The following PARD3B variants were observed in gnomAD, a reference collection of about 807,000 sequenced individuals.
The protein encoded by PARD3B is par-3 family cell polarity regulator beta, also known as partitioning defective 3 homolog B.
PARD3B carries 103 observed loss-of-function variants against 130.2 expected under a neutral mutation model. The ratio of observed to expected loss-of-function variants is 0.79; its 90% confidence interval spans 0.67 to 0.93. PARD3B has a LOEUF of 0.93. Ranked by LOEUF, PARD3B falls within the 40% of genes least tolerant of loss-of-function variation. PARD3B has a pLI of 0.00. For synonymous variants in PARD3B, 583 were observed against 553.2 expected (o/e 1.05, Z -0.76); for missense variants, 1,609 against 1,499.2 (o/e 1.07, Z -1.21).
chr2:205,332,288 A>G (rs1168441296), intron 18 of PARD3B, among the ~76,000 whole-genome samples: 2 of 152,160 alleles, frequency 1.3e-5, no homozygotes, highest in African/African-American at 4.8e-5. Context: ...CATTTATAAC[A>G]ATCCATACTC....
chr2:205,438,452 A>T (rs2047595071), intron 19 of PARD3B, among the ~76,000 whole-genome samples: 1 of 152,188 alleles, frequency 6.6e-6, no homozygotes, highest in South Asian at 2.1e-4. Context: ...TCTTGAAGGC[A>T]TCTCACTTAT....
intron 18 of PARD3B, among the ~76,000 whole-genome samples, chr2:205,398,151 A>G (rs577840020): frequency 6.6e-6 from 1 of 152,146 alleles, no homozygotes; most frequent in East Asian, 1.9e-4. Context: ...ATACAAAAAA[A>G]TTAGCCAGGC....
At chr2:205,259,193 A>G (rs1009875251) in intron 16 of PARD3B, among the ~76,000 whole-genome samples, 5 of 152,016 alleles carry the variant, frequency 3.3e-5, no homozygotes, top group Admixed American at 6.6e-5. Flanking sequence ...GTATTTACCA[A>G]TTTCTTAACT....
rs2036152787 is a variant in PARD3B at position 205,187,227 on chromosome 2, A to G, written c.2024+1364A>G. 6.6e-6 allele frequency among the ~76,000 whole-genome samples: 1 copy of G among 152,208 alleles called. No homozygotes were observed. The highest frequency in any genetic ancestry group is 1.5e-5 in the Non-Finnish European group (1 of 68,042). On this transcript the variant is annotated intron_variant, in intron 14 of 22. Transcript: ENST00000406610. This position sits in a 1 kb window ranked among gnomAD's most constrained non-coding sequence, Gnocchi z 4.9. ...CAGGTGGACATGAGATGAGCCCAGG[A>G]AGAAAGGGCATTTCGGGAGGGAAGA...
chr2:204,560,328 T>A (rs182466873), intron 1 of PARD3B, among the ~76,000 whole-genome samples: 91 of 152,236 alleles, frequency 6.0e-4, no homozygotes, highest in Non-Finnish European at 1.2e-3. Flanking sequence ...TGACTTTGGG[T>A]CAGTATTGTG....
chr2:205,559,121 C>G (rs891226018), intron 22 of PARD3B, among the ~76,000 whole-genome samples: 4 of 152,132 alleles, frequency 2.6e-5, no homozygotes, highest in Non-Finnish European at 5.9e-5. Context: ...AGTATGGGCT[C>G]CACCACTGGA....
At position 205,458,121 on chromosome 2, in the gene PARD3B, G is replaced by A. The variant is rs888443348; in HGVS notation, c.3044+17449G>A. ...GTTTTACTGTGATGTGTCTGTGAGC[G>A]TGTGTTGGCAGGGAGGTATGTTTAA... is the stretch of plus-strand genomic sequence containing the variant. On this transcript the variant is annotated intron_variant, in intron 20 of 22. Transcript: ENST00000406610. The surrounding 1 kb of genome is among the most constrained non-coding windows in gnomAD (Gnocchi z 4.8). Among the ~76,000 whole-genome samples, 6 of 152,038 alleles carry A rather than the reference G, an allele frequency of 3.9e-5. No individual in the cohort carries two copies. The highest frequency in any genetic ancestry group is 2.6e-4 in the Admixed American group (4 of 15,222).
intron 18 of PARD3B, among the ~76,000 whole-genome samples, chr2:205,393,312 A>G (rs1179495578): frequency 6.6e-6 from 1 of 152,196 alleles, no homozygotes; most frequent in Non-Finnish European, 1.5e-5. Flanking sequence ...TAATTTATAA[A>G]ATGTAAGGAG....
rs566909367 is a variant in PARD3B, at chr2:205,206,646, T to C, written c.2140+13326T>C. ...GGACATTTGGCTTGGTTCCAAGTCT[T>C]TGCTATTGTGAATAATGCCGCAATA... On this transcript the variant is annotated intron_variant, in intron 15 of 22. Transcript: ENST00000406610. Among the ~76,000 whole-genome samples, 89 of 151,960 alleles carry C rather than the reference T, an allele frequency of 5.9e-4. 2 individuals are homozygous for C. The South Asian group carries it at 0.018, about 31-fold the overall frequency.
Position 205,550,964 on chromosome 2 carries a change from TATATATATATATACAC to T in PARD3B, c.3181-2358_3181-2343del, listed in dbSNP as rs1226288093. Among the ~76,000 whole-genome samples the T allele has an allele frequency of 0.027, 3,034 of 111,026 alleles. 76 individuals are homozygous for T. Among genetic ancestry groups the T allele is most frequent in the South Asian group, 0.12 (391 of 3,236 alleles). The allele number at this position is 111,026 out of a possible 152,430, so 72.8% of individuals were successfully genotyped here. A position where few individuals can be genotyped will look rare whatever the true frequency, so the allele number is the denominator to read the frequency against. On this transcript the variant is annotated intron_variant, in intron 21 of 22. Coordinates refer to ENST00000406610, the MANE Select transcript of PARD3B (RefSeq NM_001302769.2). The surrounding 1 kb of genome is among the most constrained non-coding windows in gnomAD (Gnocchi z 4.5). ...GTGTATATATATATGTGTATATATATATATATATATATACACACACACACACACACACACACACATA... is the reference window on the plus strand; with the variant it reads ...GTGTATATATATATGTGTATATATATACACACACACACACACACACACATA...
intron 4 of PARD3B, among the ~76,000 whole-genome samples, chr2:205,061,625 G>C (rs1324097683): frequency 2.0e-5 from 3 of 152,032 alleles, no homozygotes; most frequent in African/African-American, 7.2e-5. Context: ...GACTATAGAA[G>C]TAAGTTGGAG....
At chr2:205,444,060 G>A (rs1197099727) in intron 20 of PARD3B, among the ~76,000 whole-genome samples, 2 of 152,150 alleles carry the variant, frequency 1.3e-5, no homozygotes, top group African/African-American at 4.8e-5. Flanking sequence ...TCAGCTCACT[G>A]CAACCTCTGC....
At chr2:205,058,563 C>T (rs1228667531) in intron 4 of PARD3B, among the ~76,000 whole-genome samples, 5 of 151,954 alleles carry the variant, frequency 3.3e-5, no homozygotes, top group African/African-American at 9.7e-5. Flanking sequence ...ACCAACATTG[C>T]ACAAGAGTTC....
At chr2:205,082,674 T>C (rs1026279916) in intron 4 of PARD3B, among the ~76,000 whole-genome samples, 10 of 152,184 alleles carry the variant, frequency 6.6e-5, no homozygotes, top group Non-Finnish European at 1.0e-4. Context: ...TACATGTCCA[T>C]GTTCCATTTT....
intron 2 of PARD3B, among the ~76,000 whole-genome samples, chr2:204,778,166 A>G (rs886853810): frequency 4.7e-5 from 7 of 150,174 alleles, no homozygotes; most frequent in Non-Finnish European, 8.9e-5. Context: ...AAAAAAAAAG[A>G]TCGTCATCTT....
intron 2 of PARD3B, among the ~76,000 whole-genome samples, chr2:204,794,080 G>T (rs1018704793): frequency 6.6e-6 from 1 of 152,136 alleles, no homozygotes; most frequent in Non-Finnish European, 1.5e-5. Context: ...CTTTACTACA[G>T]TTACAGGTAG....
intron 2 of PARD3B, among the ~76,000 whole-genome samples, chr2:204,953,041 T>C (rs1271964718): frequency 6.9e-6 from 1 of 145,384 alleles, no homozygotes; most frequent in Non-Finnish European, 1.5e-5. Context: ...TATATATGTA[T>C]ATATGTATAT....
At chr2:205,346,249 C>T (rs1180176544) in intron 18 of PARD3B, among the ~76,000 whole-genome samples, 5 of 151,416 alleles carry the variant, frequency 3.3e-5, no homozygotes, top group Admixed American at 1.3e-4. Flanking sequence ...CCTGGCTTCT[C>T]CTAGAAAAAT....
chr2:204,869,258 A>C (rs780100996), intron 2 of PARD3B, among the ~76,000 whole-genome samples: 1 of 152,136 alleles, frequency 6.6e-6, no homozygotes, highest in Non-Finnish European at 1.5e-5. Context: ...AATCCACTTG[A>C]AGAACATGTT....
Sources: allele counts gnomAD v4.1 joint callset (sites outside exome capture counted in the v4.1 genomes callset), GRCh38; gene constraint gnomAD v4.1.1; non-coding constraint Gnocchi (gnomAD v3.1); transcripts MANE v1.5; gene names NCBI Gene and HGNC (gene_info 2026-07-23, HGNC 2026-07-21).